EBF2: variants seen among roughly 807,000 people sequenced by gnomAD.
EBF2 encodes the protein transcription factor COE2.
In EBF2, 21 loss-of-function variants were observed where a neutral mutation model predicts 72.8. The ratio of observed to expected loss-of-function variants is 0.29; its 90% CI spans 0.20 to 0.42. The LOEUF (loss-of-function observed/expected upper bound fraction) is 0.42, where lower values mean the gene tolerates loss of function less well. Among genes scored for constraint, EBF2 ranks in the 10% least tolerant of loss-of-function variants. The pLI, the probability that EBF2 is intolerant of heterozygous loss-of-function variation, is 1.00. For missense variants in EBF2, 637 were observed against 731.2 expected (o/e 0.87, Z 1.49); for synonymous variants, 299 against 274.2 (o/e 1.09, Z -0.89).
At chr8:25,879,757 C>A (rs141285922) in intron 10 of EBF2, among the ~76,000 whole-genome samples, 124 of 152,268 alleles carry the variant, frequency 8.1e-4, no homozygotes, top group African/African-American at 2.9e-3. Context: ...TCTTTCATGG[C>A]GATCTCATCT....
intron 6 of EBF2, among the ~76,000 whole-genome samples, chr8:25,926,034 C>T (rs1803380399): frequency 6.6e-6 from 1 of 152,122 alleles, no homozygotes; most frequent in South Asian, 2.1e-4. Flanking sequence ...CCCTCAGCCC[C>T]CAAGTCCCAA....
chr8:25,864,942 C>G (rs972019204), intron 10 of EBF2, among the ~76,000 whole-genome samples: 1 of 151,886 alleles, frequency 6.6e-6, no homozygotes, highest in African/African-American at 2.4e-5. Context: ...GGCTTACAGG[C>G]GCGCGCCACC....
At chr8:25,885,728 C>T (rs941368288) in intron 10 of EBF2, among the ~76,000 whole-genome samples, 4 of 152,104 alleles carry the variant, frequency 2.6e-5, no homozygotes, top group South Asian at 2.1e-4. Context: ...TCTCGTCTGT[C>T]ACCATGTAAG....
chr8:26,040,556 G>A (rs1805582213), intron 4 of EBF2, 60 bp downstream of exon 4: 1 of 1,509,248 alleles, frequency 6.6e-7, no homozygotes, highest in East Asian at 2.5e-5. Context: ...AAACAAACTG[G>A]GGGGTTTGGG....
intron 10 of EBF2, among the ~76,000 whole-genome samples, chr8:25,863,079 TA>T (rs1802239898): frequency 6.6e-6 from 1 of 152,146 alleles, no homozygotes; most frequent in African/African-American, 2.4e-5. Flanking sequence ...TAAGCAACCA[TA>T]TCTCAATTTC....
chr8:25,912,132 C>T (rs1443993795), intron 6 of EBF2, among the ~76,000 whole-genome samples: 1 of 152,138 alleles, frequency 6.6e-6, no homozygotes, highest in Admixed American at 6.5e-5. Flanking sequence ...GCCCAATACA[C>T]AACACTGTAT....
At chr8:25,880,806 C>A (rs1478344863) in intron 10 of EBF2, among the ~76,000 whole-genome samples, 1 of 152,158 alleles carries the variant, frequency 6.6e-6, no homozygotes, top group Non-Finnish European at 1.5e-5. Flanking sequence ...TAATCGACAT[C>A]TTTACAATAT....
At chr8:25,899,696 C>T (rs945623636) in intron 7 of EBF2, among the ~76,000 whole-genome samples, 1 of 152,210 alleles carries the variant, frequency 6.6e-6, no homozygotes, top group Non-Finnish European at 1.5e-5. Context: ...TAGCCGTGCC[C>T]TTTGCTCTCA....
At chr8:25,863,448 A>C (rs1321307039) in intron 10 of EBF2, among the ~76,000 whole-genome samples, 1 of 152,158 alleles carries the variant, frequency 6.6e-6, no homozygotes, top group South Asian at 2.1e-4. Context: ...AAAACGAGTG[A>C]GTGAATGAGT....
intron 6 of EBF2, 89 bp from the exon 7 acceptor site, chr8:25,908,644 C>T (rs1301524313): frequency 3.4e-6 from 3 of 888,482 alleles, no homozygotes; most frequent in East Asian, 2.6e-5. Context: ...GATTTGACAG[C>T]GATTCTATTT....
Position 25,867,700 on chromosome 8 carries a change from C to G in EBF2, c.1010-4903G>C, listed in dbSNP as rs1221133971. On this transcript the variant is annotated intron_variant, in intron 10 of 15. Transcript: ENST00000520164. ...TAAATCTTGATCTCTAGACTAGATA[C>G]CTGGCCTGAGATTCAGCTTTAAATA... Among the ~76,000 whole-genome samples, 2 of 152,146 alleles carry G rather than the reference C, an allele frequency of 1.3e-5. 1 individual carries two copies. The highest frequency in any genetic ancestry group is 2.9e-5 in the Non-Finnish European group (2 of 68,036).
intron 11 of EBF2, 21 bp downstream of exon 11, chr8:25,862,688 T>G (rs1229139700): frequency 1.3e-6 from 2 of 1,557,128 alleles, no homozygotes; most frequent in African/African-American, 2.7e-5. Context: ...GCTTCACATG[T>G]CAATTTCCAA....
intron 7 of EBF2, among the ~76,000 whole-genome samples, chr8:25,893,597 G>A (rs1195551024): frequency 4.6e-5 from 7 of 152,096 alleles, no homozygotes; most frequent in Non-Finnish European, 8.8e-5. Flanking sequence ...AATTCTTAAT[G>A]AGCTGTCCTA....
At chr8:25,862,431 T>G (rs1326529533) in intron 11 of EBF2, among the ~76,000 whole-genome samples, 1 of 152,216 alleles carries the variant, frequency 6.6e-6, no homozygotes, top group Non-Finnish European at 1.5e-5. Flanking sequence ...TAACCAATTA[T>G]GCAGTTATTT....
At chr8:26,019,671 C>T (rs549802917) in intron 6 of EBF2, among the ~76,000 whole-genome samples, 2 of 152,278 alleles carry the variant, frequency 1.3e-5, no homozygotes, top group East Asian at 3.9e-4. Flanking sequence ...GCCTGGTCAA[C>T]TGATGGTGAC....
chr8:25,856,190 C>T (rs1483468210), intron 14 of EBF2, among the ~76,000 whole-genome samples: 1 of 152,112 alleles, frequency 6.6e-6, no homozygotes, highest in African/African-American at 2.4e-5. Context: ...CACTACCACA[C>T]TACATACTGT....
chr8:26,037,011 C>T (rs1489357152), intron 5 of EBF2, among the ~76,000 whole-genome samples: 1 of 152,028 alleles, frequency 6.6e-6, no homozygotes, highest in Non-Finnish European at 1.5e-5. Context: ...CTCTTTTTTC[C>T]TAATGAATGA....
chr8:26,007,251 A>G (rs1804897308), intron 6 of EBF2, among the ~76,000 whole-genome samples: 1 of 152,180 alleles, frequency 6.6e-6, no homozygotes, highest in Non-Finnish European at 1.5e-5. Context: ...AGTGGACAGG[A>G]CGCCAGGCTG....
At position 26,044,621 on chromosome 8, in the gene EBF2, G is replaced by C; in HGVS notation, c.131+108C>G. The C allele has an allele frequency of 6.8e-7, 1 of 1,472,796 alleles. No homozygotes were observed. The highest frequency in any genetic ancestry group is 9.2e-7 in the Non-Finnish European group (1 of 1,089,710). The allele number at this position is 1,472,796 out of a possible 1,614,324, so 91.2% of individuals were successfully genotyped here. On this transcript the variant is annotated intron_variant, in intron 1 of 15. Coordinates refer to ENST00000520164, the MANE Select transcript of EBF2 (RefSeq NM_022659.4). This position sits in a 1 kb window ranked among gnomAD's most constrained non-coding sequence, Gnocchi z 4.1. Reference sequence around the variant, plus strand: ...AGCGCGCAGGGCCTGGGCGACAGATGGGGGGACAGGGAGAGAGAAAGGCAC... The same window carrying C: ...AGCGCGCAGGGCCTGGGCGACAGATCGGGGGACAGGGAGAGAGAAAGGCAC...
Sources: gnomAD v4.1 joint callset for allele counts (sites outside exome capture counted in the v4.1 genomes callset) on GRCh38, gnomAD v4.1.1 for gene constraint, Gnocchi (gnomAD v3.1) non-coding constraint, MANE v1.5 for transcripts, NCBI Gene and HGNC (gene_info 2026-07-23, HGNC 2026-07-21) for gene names.